The following CFTR variants were observed in gnomAD, a reference collection of about 807,000 sequenced individuals.
The protein encoded by CFTR is CF transmembrane conductance regulator.
In CFTR, 181 loss-of-function variants were observed where a neutral mutation model predicts 171.6. The observed-to-expected ratio is 1.05, with a 90% CI of 0.93 to 1.19. The LOEUF (loss-of-function observed/expected upper bound fraction) is 1.19. CFTR is among the 50% of genes most tolerant of loss of function. The probability of loss-of-function intolerance (pLI) is 0.00; values close to 1 mark genes in which losing one functional copy is unlikely to be tolerated. For missense variants in CFTR, 1,968 were observed against 1,734.7 expected (o/e 1.13, Z -2.39); for synonymous variants, 583 against 608.0 (o/e 0.96, Z 0.60).
intron 11 of CFTR, 94 bp from the exon 12 acceptor site, chr7:117,587,645 G>A: frequency 2.6e-6 from 2 of 773,358 alleles, no homozygotes; most frequent in Non-Finnish European, 4.7e-6. Flanking sequence ...AAGCAATAGT[G>A]TGATATATGA....
intron 3 of CFTR, among the ~76,000 whole-genome samples, chr7:117,512,051 T>C (rs1021210926): frequency 6.6e-6 from 1 of 152,168 alleles, no homozygotes; most frequent in Non-Finnish European, 1.5e-5. Context: ...ATGGTCATAC[T>C]TTCAGAATCT....
chr7:117,524,809 T>C (rs35608825), intron 3 of CFTR, among the ~76,000 whole-genome samples: 37,901 of 152,084 alleles, frequency 0.25, 5,000 homozygotes, highest in East Asian at 0.42. Flanking sequence ...TGTTAGGCAG[T>C]GCTTAGAATA....
intron 7 of CFTR, among the ~76,000 whole-genome samples, chr7:117,539,430 T>A (rs1799010728): frequency 6.6e-6 from 1 of 152,100 alleles, no homozygotes; most frequent in Non-Finnish European, 1.5e-5. Context: ...GGTTTTTTTT[T>A]TTGTTTCAAA....
chr7:117,576,567 T>A (rs1791773309), intron 11 of CFTR, among the ~76,000 whole-genome samples: 2 of 152,166 alleles, frequency 1.3e-5, no homozygotes, highest in Non-Finnish European at 2.9e-5. Flanking sequence ...ATCATCTACT[T>A]GTTTAATCTC....
intron 18 of CFTR, among the ~76,000 whole-genome samples, chr7:117,609,418 A>G (rs896225125): frequency 3.9e-5 from 6 of 152,168 alleles, no homozygotes; most frequent in African/African-American, 1.2e-4. Flanking sequence ...GGCTCACTGA[A>G]CAGCATATGG....
chr7:117,541,449 C>T lies in CFTR; in HGVS notation c.1117-567C>T, dbSNP rs182867831. Among the ~76,000 whole-genome samples, 362 of 152,254 alleles carry T rather than the reference C, an allele frequency of 2.4e-3. 2 individuals are homozygous for T. The highest frequency in any genetic ancestry group is 8.5e-3 in the African/African-American group (354 of 41,554). ...TCATTATTTCTTATGGCCAAGACTTCAGTATGCGTGGACTTAATTCTTCCT... is the reference window on the plus strand; with the variant it reads ...TCATTATTTCTTATGGCCAAGACTTTAGTATGCGTGGACTTAATTCTTCCT... On this transcript the variant is annotated intron_variant, in intron 8 of 26. Transcript: ENST00000003084.
At chr7:117,495,718 C>T (rs1172543698) in intron 1 of CFTR, among the ~76,000 whole-genome samples, 2 of 152,158 alleles carry the variant, frequency 1.3e-5, no homozygotes, top group East Asian at 3.9e-4. Context: ...CAGCCATTGA[C>T]ATATTTGAAA....
intron 1 of CFTR, among the ~76,000 whole-genome samples, chr7:117,486,983 G>A (rs1798085547): frequency 6.6e-6 from 1 of 151,864 alleles, no homozygotes; most frequent in Non-Finnish European, 1.5e-5. Context: ...GAAGGTGAAG[G>A]AAAGAGAAGA....
rs967826260 is a variant in CFTR at position 117,649,245 on chromosome 7, ATTTGGCCAC to A, written c.3874-3596_3874-3588del. Among the ~76,000 whole-genome samples the A allele has an allele frequency of 2.7e-5, 4 of 150,862 alleles. No individual in the cohort carries two copies. The Admixed American group carries it at 2.7e-4, about 10-fold the overall frequency. On this transcript the variant is annotated intron_variant, in intron 23 of 26. Coordinates refer to ENST00000003084, the MANE Select transcript of CFTR (RefSeq NM_000492.4). Reference sequence around the variant, plus strand: ...TTTAAAGATTGTGATACTGATAAATATTTGGCCACATTTTAATAGAATTATACATGGGAT... The same window carrying A: ...TTTAAAGATTGTGATACTGATAAATAATTTTAATAGAATTATACATGGGAT...
chr7:117,639,776 A>C (rs1348038803), intron 22 of CFTR, among the ~76,000 whole-genome samples: 1 of 152,190 alleles, frequency 6.6e-6, no homozygotes, highest in East Asian at 1.9e-4. Context: ...CAGTGGGTAT[A>C]AGCAGCATAT....
chr7:117,559,879 T>C (rs901986847), intron 11 of CFTR, among the ~76,000 whole-genome samples: 2 of 152,088 alleles, frequency 1.3e-5, no homozygotes, highest in African/African-American at 4.8e-5. Flanking sequence ...AATGGGTTCA[T>C]TTGATCACAA....
chr7:117,508,417 A>G (rs957806227), intron 2 of CFTR, among the ~76,000 whole-genome samples: 26 of 152,226 alleles, frequency 1.7e-4, no homozygotes, highest in Admixed American at 9.8e-4. Context: ...TCTTACTATA[A>G]TAGAAAATAT....
At chr7:117,591,905 T>C (rs1358877046) in intron 13 of CFTR, 29 bp from the exon 14 acceptor site, 3 of 1,394,680 alleles carry the variant, frequency 2.2e-6, no homozygotes, top group East Asian at 4.7e-5. Flanking sequence ...TTTATAAAAT[T>C]GATATTTATA....
intron 15 of CFTR, among the ~76,000 whole-genome samples, chr7:117,601,024 A>G (rs1584816609): frequency 6.6e-6 from 1 of 152,198 alleles, no homozygotes; most frequent in South Asian, 2.1e-4. Context: ...GTCTTTGAAC[A>G]TCACTTTGGT....
At chr7:117,624,805 GC>G (rs1792628056) in intron 21 of CFTR, among the ~76,000 whole-genome samples, 1 of 152,072 alleles carries the variant, frequency 6.6e-6, no homozygotes, top group South Asian at 2.1e-4. Context: ...GGCTTTTGGC[GC>G]TTAATGGCCA....
In CFTR at chr7:117,533,370, G is replaced by A. The variant is rs558517644; in HGVS notation, c.490-906G>A. Among the ~76,000 whole-genome samples, 7 of 152,192 alleles carry A rather than the reference G, an allele frequency of 4.6e-5. No individual in the cohort carries two copies. In the South Asian group the frequency reaches 1.0e-3, roughly 23 times the overall value. On this transcript the variant is annotated intron_variant, in intron 4 of 26. Transcript: ENST00000003084. ...TTCCAGATGATTTTTCTAACCAGGA[G>A]TTTTAACTTCCTTTTAACTACCCTA...
chr7:117,565,791 G>T (rs2115957878), intron 11 of CFTR, among the ~76,000 whole-genome samples: 1 of 152,224 alleles, frequency 6.6e-6, no homozygotes, highest in East Asian at 1.9e-4. Flanking sequence ...AAAAAAATTG[G>T]GAGGGAAGCT....
chr7:117,513,760 T>C (rs1424087288), intron 3 of CFTR, among the ~76,000 whole-genome samples: 1 of 152,184 alleles, frequency 6.6e-6, no homozygotes. Flanking sequence ...GTCTGCCATG[T>C]AGAATTCCTT....
chr7:117,500,547 C>T (rs1375638872), intron 1 of CFTR, among the ~76,000 whole-genome samples: 1 of 152,020 alleles, frequency 6.6e-6, no homozygotes, highest in African/African-American at 2.4e-5. Context: ...ACCTCGGCCT[C>T]CCAAAGTGCT....
Sources: gnomAD v4.1 joint callset for allele counts (sites outside exome capture counted in the v4.1 genomes callset) on GRCh38, gnomAD v4.1.1 for gene constraint, MANE v1.5 for transcripts, NCBI Gene and HGNC (gene_info 2026-07-23, HGNC 2026-07-21) for gene names.